The following XRCC4 variants were observed in gnomAD, a reference collection of about 807,000 sequenced individuals.
The protein encoded by XRCC4 is X-ray repair cross complementing 4, also known as DNA repair protein XRCC4.
A neutral mutation model predicts 39.1 loss-of-function variants in XRCC4; 28 were observed. The observed-to-expected ratio is 0.72, with a 90% confidence interval of 0.53 to 0.98. The LOEUF (loss-of-function observed/expected upper bound fraction) is 0.98. XRCC4 is among the 50% of genes least tolerant of loss of function. XRCC4 has a pLI of 0.00. For missense variants in XRCC4, 350 were observed against 376.4 expected, an observed-to-expected ratio of 0.93 and a Z score of 0.58; for synonymous variants, 123 against 126.4, an observed-to-expected ratio of 0.97 and a Z score of 0.18.
chr5:83,078,562 A>G (rs1489087330), intron 1 of XRCC4, among the ~76,000 whole-genome samples: 1 of 152,254 alleles, frequency 6.6e-6, no homozygotes, highest in Non-Finnish European at 1.5e-5. Context: ...GGGCAACACA[A>G]TGATTAGAAG....
chr5:83,355,177 GTTTCTTTATC>G (rs962014247), downstream of XRCC4, among the ~76,000 whole-genome samples: 2 of 152,064 alleles, frequency 1.3e-5, no homozygotes, highest in Non-Finnish European at 2.9e-5. Context: ...CACATGGTTG[GTTTCTTTATC>G]TTTCAGATTT....
At chr5:83,269,549 G>T (rs2112925441) in intron 7 of XRCC4, among the ~76,000 whole-genome samples, 1 of 151,236 alleles carries the variant, frequency 6.6e-6, no homozygotes, top group South Asian at 2.1e-4. Flanking sequence ...AGTAACTCTA[G>T]GTGAGAAAAT....
At chr5:83,331,063 T>A (rs1205868636) in intron 7 of XRCC4, among the ~76,000 whole-genome samples, 1 of 152,094 alleles carries the variant, frequency 6.6e-6, no homozygotes, top group Non-Finnish European at 1.5e-5. Context: ...ACTCTAGTCA[T>A]CTCTGATGCT....
At chr5:83,093,351 T>A (rs898981045) in intron 1 of XRCC4, among the ~76,000 whole-genome samples, 1 of 152,160 alleles carries the variant, frequency 6.6e-6, no homozygotes, top group African/African-American at 2.4e-5. Flanking sequence ...TAGACTGTAA[T>A]ACAATAACAG....
At chr5:83,361,108 G>C in the XRCC4 span, among the ~76,000 whole-genome samples, 1 of 152,094 alleles carries the variant, frequency 6.6e-6, no homozygotes, top group Non-Finnish European at 1.5e-5. Flanking sequence ...CTCTGAACTT[G>C]AGTTTTCTTA....
chr5:83,185,811 G>A (rs1398474582), intron 3 of XRCC4, among the ~76,000 whole-genome samples: 1 of 152,082 alleles, frequency 6.6e-6, no homozygotes, highest in East Asian at 1.9e-4. Flanking sequence ...TGGTGAAGAA[G>A]CATTGGTTAG....
intron 6 of XRCC4, among the ~76,000 whole-genome samples, chr5:83,241,960 AGG>A (rs1322669391): frequency 1.5e-5 from 2 of 133,482 alleles, no homozygotes; most frequent in Non-Finnish European, 3.1e-5. Flanking sequence ...GAGGAAGAGG[AGG>A]AGGAGGAGGA....
Position 83,340,513 on chromosome 5 carries a change from T to G in XRCC4, c.894-12618T>G, listed in dbSNP as rs116861211. Among the ~76,000 whole-genome samples, 84 of 152,136 alleles carry G rather than the reference T, an allele frequency of 5.5e-4. 1 individual carries two copies. The East Asian group carries it at 8.7e-3, about 16-fold the overall frequency. On this transcript the variant is annotated intron_variant, in intron 7 of 7. Coordinates refer to ENST00000396027, the MANE Select transcript of XRCC4 (RefSeq NM_003401.5). ...AGAAGAAGAAAGTCAGAGGAAGAGA[T>G]AAGACTAAGCAAGCAACATCAGAAT...
intron 6 of XRCC4, among the ~76,000 whole-genome samples, chr5:83,220,804 T>A (rs999613984): frequency 6.6e-6 from 1 of 152,188 alleles, no homozygotes; most frequent in Non-Finnish European, 1.5e-5. Context: ...GTACTGATGG[T>A]CACATTGCTT....
chr5:83,333,918 C>T (rs60780629), intron 7 of XRCC4, among the ~76,000 whole-genome samples: 2,391 of 151,996 alleles, frequency 0.016, 62 homozygotes, highest in African/African-American at 0.054. Context: ...TACAGGTGTG[C>T]GCCACCACGC....
chr5:83,326,140 C>CT (rs1423701077), intron 7 of XRCC4, among the ~76,000 whole-genome samples: 1 of 151,972 alleles, frequency 6.6e-6, no homozygotes, highest in African/African-American at 2.4e-5. Context: ...TCCTTGTAGA[C>CT]TCTGGATATT....
intron 3 of XRCC4, among the ~76,000 whole-genome samples, chr5:83,169,850 G>A (rs1455075396): frequency 4.6e-5 from 7 of 151,990 alleles, no homozygotes; most frequent in South Asian, 2.1e-4. Flanking sequence ...TAAGTGTGAC[G>A]GTAAACAGAA....
At chr5:83,138,820 AG>A (rs1274580300) in intron 3 of XRCC4, among the ~76,000 whole-genome samples, 64 of 152,136 alleles carry the variant, frequency 4.2e-4, no homozygotes, top group Non-Finnish European at 5.9e-4. Flanking sequence ...CGTAGTGACT[AG>A]AACAATGATG....
At chr5:83,216,738 T>C (rs1268629435) in intron 6 of XRCC4, among the ~76,000 whole-genome samples, 1 of 152,198 alleles carries the variant, frequency 6.6e-6, no homozygotes, top group Admixed American at 6.5e-5. Flanking sequence ...TATGATCCTA[T>C]TTATATCTAA....
chr5:83,200,442 A>G (rs16900225), intron 4 of XRCC4, among the ~76,000 whole-genome samples: 1 of 152,162 alleles, frequency 6.6e-6, no homozygotes, highest in Non-Finnish European at 1.5e-5. Context: ...CCTGTCACAG[A>G]AATGTTTCCT....
chr5:83,089,407 CT>C (rs1212588659), intron 1 of XRCC4, among the ~76,000 whole-genome samples: 1 of 152,174 alleles, frequency 6.6e-6, no homozygotes, highest in Non-Finnish European at 1.5e-5. Flanking sequence ...ATTAAACCCT[CT>C]TTTTTTCCCC....
intron 2 of XRCC4, among the ~76,000 whole-genome samples, chr5:83,108,233 A>G (rs554046389): frequency 2.0e-5 from 3 of 152,044 alleles, no homozygotes; most frequent in African/African-American, 7.2e-5. Context: ...GCTTACAGCT[A>G]TACTTTTTCC....
chr5:83,105,951 G>C (rs1013004498), intron 2 of XRCC4, among the ~76,000 whole-genome samples: 11 of 151,936 alleles, frequency 7.2e-5, no homozygotes, highest in African/African-American at 2.7e-4. Flanking sequence ...TGAGCGTTAT[G>C]AATTATGTTA....
chr5:83,161,704 A>G (rs1479600906), intron 3 of XRCC4, among the ~76,000 whole-genome samples: 1 of 152,208 alleles, frequency 6.6e-6, no homozygotes, highest in African/African-American at 2.4e-5. Flanking sequence ...TCCTTCAATC[A>G]ACATATTTGT....
Sources: allele counts gnomAD v4.1 joint callset (sites outside exome capture counted in the v4.1 genomes callset), GRCh38; gene constraint gnomAD v4.1.1; transcripts MANE v1.5; gene names NCBI Gene and HGNC (gene_info 2026-07-23, HGNC 2026-07-21).